Variants in CYP11A1 observed in about 807,000 individuals in gnomAD.
CYP11A1 encodes the protein cytochrome P450 family 11 subfamily A member 1, also known as cholesterol side-chain cleavage enzyme, mitochondrial.
Under a neutral mutation model 51.9 loss-of-function variants are expected in CYP11A1, and 25 were observed. That is an observed-to-expected ratio of 0.48 (90% CI 0.35 to 0.67). The LOEUF is 0.67. CYP11A1 is among the 30% of genes least tolerant of loss of function. CYP11A1 has a pLI of 0.00. For missense variants in CYP11A1, 578 were observed against 680.9 expected (o/e 0.85, Z 1.68); for synonymous variants, 245 against 262.1 (o/e 0.93, Z 0.63).
rs553035207 is a variant in CYP11A1 at position 74,345,821 on chromosome 15, C to T, written c.426-578G>A. Among the ~76,000 whole-genome samples, 1 of 152,304 alleles carries T rather than the reference C, an allele frequency of 6.6e-6. No individual in the cohort carries two copies. Among genetic ancestry groups the T allele is most frequent in the East Asian group, 1.9e-4 (1 of 5,182 alleles). ...TCATCAATCCATGCAAAGTCCTCTT[C>T]GTGACTTGGGGGTGTTTTTGTTGAT... On this transcript the variant is annotated intron_variant, in intron 2 of 8. Coordinates refer to ENST00000268053, the MANE Select transcript of CYP11A1 (RefSeq NM_000781.3). This position sits in a 1 kb window ranked among gnomAD's most constrained non-coding sequence, Gnocchi z 4.3.
rs796409572 is a variant in CYP11A1 at position 74,345,831 on chromosome 15, G to T, written c.426-588C>A. Among the ~76,000 whole-genome samples, 8 of 152,056 alleles carry T rather than the reference G, an allele frequency of 5.3e-5. No homozygotes were observed. In the South Asian group the frequency reaches 8.3e-4, roughly 16 times the overall value. ...ATGCAAAGTCCTCTTCGTGACTTGG[G>T]GGTGTTTTTGTTGATAAGAATATTA... is the stretch of plus-strand genomic sequence containing the variant. On this transcript the variant is annotated intron_variant, in intron 2 of 8. Transcript: ENST00000268053. The surrounding 1 kb of genome is among the most constrained non-coding windows in gnomAD (Gnocchi z 4.3).
At chr15:74,350,373 C>T (rs1313624871) in intron 1 of CYP11A1, 1 of 185,826 alleles carries the variant, frequency 5.4e-6, no homozygotes, top group Admixed American at 6.0e-5. Flanking sequence ...AGTATAATGA[C>T]ACACAGAGCT....
chr15:74,365,608 G>T, intron 1 of CYP11A1: 1 of 897,080 alleles, frequency 1.1e-6, no homozygotes, highest in Non-Finnish European at 1.3e-6. Context: ...GGAAGGTTGA[G>T]GCCTCAGGCC....
At chr15:74,348,732 G>T (rs1292391819) in intron 1 of CYP11A1, among the ~76,000 whole-genome samples, 1 of 152,124 alleles carries the variant, frequency 6.6e-6, no homozygotes, top group African/African-American at 2.4e-5. Flanking sequence ...ATACAACTGG[G>T]TTTTTGTTGT....
chr15:74,348,368 C>G (rs1253110257), intron 1 of CYP11A1: 1 of 390,314 alleles, frequency 2.6e-6, no homozygotes, highest in Non-Finnish European at 4.8e-6. Context: ...CCAAAGCCAC[C>G]CCCGAGCCTT....
chr15:74,347,387 G>A (rs1272251858), intron 2 of CYP11A1, among the ~76,000 whole-genome samples: 1 of 152,064 alleles, frequency 6.6e-6, no homozygotes, highest in Non-Finnish European at 1.5e-5. Flanking sequence ...CAGCCTGGAT[G>A]ACACAATGAG....
At chr15:74,351,899 A>T (rs2060658133) in intron 1 of CYP11A1, among the ~76,000 whole-genome samples, 1 of 152,244 alleles carries the variant, frequency 6.6e-6, no homozygotes, top group African/African-American at 2.4e-5. Flanking sequence ...AGACTGCTTT[A>T]GCCAAAATTT....
At position 74,337,880 on chromosome 15, in the gene CYP11A1, C is replaced by T; in HGVS notation, c.*92G>A. On this transcript the variant is annotated 3_prime_UTR_variant, in exon 9 of 9. Coordinates refer to ENST00000268053, the MANE Select transcript of CYP11A1 (RefSeq NM_000781.3). ...GCTGAGCAGGCTGGGCAGAAAGGAG[C>T]AGGACTTGGGACAGACGACTGAAGA... The T allele has an allele frequency of 1.3e-6, 2 of 1,559,214 alleles. No individual in the cohort carries two copies. Among genetic ancestry groups the T allele is most frequent in the African/African-American group, 1.4e-5 (1 of 73,716 alleles).
chr15:74,343,167 G>A (rs2060615592), intron 4 of CYP11A1, 30 bp from the exon 5 acceptor site: 18 of 1,612,398 alleles, frequency 1.1e-5, no homozygotes, highest in Non-Finnish European at 1.5e-5. Context: ...AAAAAAGAGT[G>A]AGGTTCCCTG....
intron 1 of CYP11A1, among the ~76,000 whole-genome samples, chr15:74,364,827 G>C (rs1452702735): frequency 2.6e-5 from 4 of 152,188 alleles, no homozygotes; most frequent in Non-Finnish European, 5.9e-5. Flanking sequence ...CTAGGAGAGA[G>C]GGGGAGGAAG....
chr15:74,345,133 A>C lies in CYP11A1; in HGVS notation c.536T>G (p.Val179Gly). Reference protein sequence around the residue: ...PLLDAVSRDFVSVLHRRIKKA... With the variant: ...PLLDAVSRDFGSVLHRRIKKA... ...CTTGATGCGCCTGTGCAGGACACTG[A>C]CGAAGTCCCGAGACACTGCATCCAA... The change falls in exon 3 of 9, where the codon GTC (valine) becomes GGC (glycine). Residue 179 changes from valine to glycine, a missense_variant. Transcript: ENST00000268053. The surrounding 1 kb of genome is among the most constrained non-coding windows in gnomAD (Gnocchi z 4.3). 1 of 1,614,074 alleles carries C rather than the reference A, an allele frequency of 6.2e-7. No individual in the cohort carries two copies. Among genetic ancestry groups the C allele is most frequent in the Non-Finnish European group, 8.5e-7 (1 of 1,180,000 alleles).
At chr15:74,348,225 G>A in intron 1 of CYP11A1, 170 bp from the exon 2 acceptor site, 1 of 670,598 alleles carries the variant, frequency 1.5e-6, no homozygotes, top group East Asian at 2.7e-5. Flanking sequence ...GACAAATACA[G>A]TACCTGTCTC....
chr15:74,351,165 A>G (rs1294752314), intron 1 of CYP11A1, among the ~76,000 whole-genome samples: 2 of 151,390 alleles, frequency 1.3e-5, no homozygotes, highest in Non-Finnish European at 2.9e-5. Flanking sequence ...GGTCTTTTTT[A>G]TGTTTTTTTT....
intron 1 of CYP11A1, 195 bp from the exon 2 acceptor site, chr15:74,348,250 GGACAA>G (rs1429093441): frequency 6.5e-6 from 4 of 611,356 alleles, no homozygotes; most frequent in Non-Finnish European, 1.2e-5. Flanking sequence ...CGCTGCTGAA[GGACAA>G]GACAATAGGA....
chr15:74,339,709 G>A lies in CYP11A1; in HGVS notation c.1035C>T (p.Asn345=). The change falls in exon 6 of 9, where the codon AAC becomes AAT. Residue 345 remains asparagine (N), a synonymous_variant. Transcript: ENST00000268053. ...LQWHLYEMAR[N]LKVQDMLRAE... is the part of the protein sequence containing the mutation. ...CCCGCAGCATATCCTGCACCTTCAG[G>A]TTGCGTGCCATCTCATACAAGTGCC... 2 of 1,614,114 alleles carry A rather than the reference G, an allele frequency of 1.2e-6. No individual in the cohort carries two copies. Among genetic ancestry groups the A allele is most frequent in the Non-Finnish European group, 1.7e-6 (2 of 1,180,024 alleles).
In CYP11A1 at chr15:74,361,579, A is replaced by G. The variant is rs549586327; in HGVS notation, c.269+5738T>C. 9 of 929,840 alleles carry G rather than the reference A, an allele frequency of 9.7e-6. No homozygotes were observed. In the South Asian group the frequency reaches 1.0e-4, roughly 11 times the overall value. 57.6% of individuals were successfully genotyped at this position (929,840 alleles called of 1,614,324 possible). ...GGTCAACCCCACCGTGTTCTTTGAC[A>G]TCGCAGTCACGGCGAGCCCTTGGGT... On this transcript the variant is annotated intron_variant, in intron 1 of 8. Coordinates refer to ENST00000268053, the MANE Select transcript of CYP11A1 (RefSeq NM_000781.3).
chr15:74,354,092 T>C (rs897562768), intron 1 of CYP11A1, among the ~76,000 whole-genome samples: 3 of 152,208 alleles, frequency 2.0e-5, no homozygotes, highest in Admixed American at 2.0e-4. Flanking sequence ...CATTGCAATG[T>C]GTTTGTTTGC....
intron 1 of CYP11A1, chr15:74,365,996 G>A: frequency 2.1e-5 from 21 of 986,282 alleles, no homozygotes; most frequent in Non-Finnish European, 2.4e-5. Flanking sequence ...GGCCGCCGCC[G>A]CCTCCGCGGG....
intron 7 of CYP11A1, 78 bp downstream of exon 7, chr15:74,339,159 G>A: frequency 7.9e-7 from 1 of 1,265,852 alleles, no homozygotes; most frequent in Non-Finnish European, 1.2e-6. Flanking sequence ...GGGCCCCAGT[G>A]CCACCCTCTG....
Sources: allele counts gnomAD v4.1 joint callset (sites outside exome capture counted in the v4.1 genomes callset), GRCh38; gene constraint gnomAD v4.1.1; non-coding constraint Gnocchi (gnomAD v3.1); transcripts MANE v1.5; gene names NCBI Gene and HGNC (gene_info 2026-07-23, HGNC 2026-07-21).